Variants in MAPKAPK5 observed in about 807,000 individuals in gnomAD.
MAPKAPK5 encodes the protein MAPK activated protein kinase 5, also known as MAP kinase-activated protein kinase 5.
MAPKAPK5 carries 30 observed loss-of-function variants against 65.1 expected under a neutral mutation model. That is an observed-to-expected ratio of 0.46 (90% CI 0.34 to 0.63). MAPKAPK5 has a LOEUF of 0.63. MAPKAPK5 is among the 20% of genes least tolerant of loss of function. MAPKAPK5 has a pLI of 0.01. For synonymous variants in MAPKAPK5, 179 were observed against 204.6 expected (o/e 0.87, Z 1.07); for missense variants, 433 against 581.4 (o/e 0.74, Z 2.63).
intron 5 of MAPKAPK5, among the ~76,000 whole-genome samples, 186 bp from the exon 6 acceptor site, chr12:111,870,085 A>C (rs2069735310): frequency 6.6e-6 from 1 of 152,226 alleles, no homozygotes. Context: ...TACAAGTTGC[A>C]GTTAAACTAA....
At chr12:111,891,801 C>A (rs1220423798) in intron 13 of MAPKAPK5, among the ~76,000 whole-genome samples, 2 of 144,394 alleles carry the variant, frequency 1.4e-5, no homozygotes, top group Non-Finnish European at 3.0e-5. Flanking sequence ...AGAGAGACTC[C>A]GTCTTTAAAA....
intron 3 of MAPKAPK5, among the ~76,000 whole-genome samples, chr12:111,866,910 T>C (rs1410201863): frequency 6.6e-6 from 1 of 152,068 alleles, no homozygotes; most frequent in African/African-American, 2.4e-5. Flanking sequence ...CCTTTAGTTT[T>C]TAAAAATATA....
chr12:111,874,309 CT>C (rs1436517095), intron 7 of MAPKAPK5, among the ~76,000 whole-genome samples: 1 of 151,504 alleles, frequency 6.6e-6, no homozygotes, highest in Non-Finnish European at 1.5e-5. Context: ...GCAGGAGAAT[CT>C]CTTGAACCTG....
In MAPKAPK5 at chr12:111,871,174, A is replaced by G; in HGVS notation, c.573A>G (p.Ala191=). The change falls in exon 7 of 14, where the codon GCA becomes GCG. Residue 191 remains alanine, a synonymous_variant. Coordinates refer to ENST00000550735, the MANE Select transcript of MAPKAPK5 (RefSeq NM_003668.4). ...MTPQFTPYYV[A]PQVLEAQRRH... The stretch of plus-strand genomic sequence containing the variant: ...CCCAGTTCACCCCTTATTATGTAGC[A>G]CCCCAGGTAAGCATGTGCGGTTTCT... 1 of 1,612,978 alleles carries G rather than the reference A, an allele frequency of 6.2e-7. No homozygotes were observed. The highest frequency in any genetic ancestry group is 8.5e-7 in the Non-Finnish European group (1 of 1,179,488).
chr12:111,874,809 C>CTCTT (rs1349512766), intron 7 of MAPKAPK5, among the ~76,000 whole-genome samples: 3 of 101,324 alleles, frequency 3.0e-5, no homozygotes, highest in African/African-American at 7.8e-5. Context: ...GAGGCTTGCT[C>CTCTT]TGTTGCCCAG....
At chr12:111,850,044 T>G (rs1169080716) in intron 1 of MAPKAPK5, among the ~76,000 whole-genome samples, 1 of 151,786 alleles carries the variant, frequency 6.6e-6, no homozygotes. Context: ...CTTTTTTTTT[T>G]CATAGATGGA....
At chr12:111,860,758 T>G (rs2069411703) in intron 1 of MAPKAPK5, among the ~76,000 whole-genome samples, 1 of 152,168 alleles carries the variant, frequency 6.6e-6, no homozygotes, top group African/African-American at 2.4e-5. Flanking sequence ...TGATTTACAC[T>G]GTATTGAAAT....
chr12:111,876,205 CAAAAAAA>C (rs751802746), intron 7 of MAPKAPK5, among the ~76,000 whole-genome samples: 1 of 43,564 alleles, frequency 2.3e-5, no homozygotes, highest in Non-Finnish European at 5.5e-5. Flanking sequence ...GACTCCATCT[CAAAAAAA>C]AAAAAAAAAA....
Position 111,890,149 on chromosome 12 carries a change from G to A in MAPKAPK5, c.1321+5G>A. On this transcript the variant is annotated splice_donor_5th_base_variant and intron_variant, in intron 13 of 13. Coordinates refer to ENST00000550735, the MANE Select transcript of MAPKAPK5 (RefSeq NM_003668.4). ...TGCAGAGCTTCAGCTGGAATGGTAG[G>A]AGCCTTCATCAACTCCCTTCCCCAG... The A allele has an allele frequency of 6.4e-7, 1 of 1,574,288 alleles. No homozygotes were observed.
In MAPKAPK5 at chr12:111,898,474, A is replaced by C. The variant is rs2070896186; in HGVS notation, c.*5413A>C. 1 of 151,906 alleles carries C rather than the reference A, an allele frequency of 6.6e-6. No homozygotes were observed. Among genetic ancestry groups the C allele is most frequent in the Non-Finnish European group, 1.5e-5 (1 of 67,998 alleles). The allele number at this position is 151,906 out of a possible 1,614,324, so 9.4% of individuals were successfully genotyped here. ...GTGAGCCACCGTGCCCGGGCCCCAC[A>C]CTTTGTTTTTATGTTAGGGCAGTTG... is the stretch of plus-strand genomic sequence containing the variant. On this transcript the variant is annotated 3_prime_UTR_variant, in exon 14 of 14. Transcript: ENST00000550735.
chr12:111,900,175 A>G lies in MAPKAPK5; in HGVS notation c.*7114A>G, dbSNP rs530472095. On this transcript the variant is annotated 3_prime_UTR_variant, in exon 14 of 14. Transcript: ENST00000550735. Reference sequence around the variant, plus strand: ...TTGCAAATCACACTCAGGAATTTCAATCACTGGAGACAAGAGATGCTCTTC... The same window carrying G: ...TTGCAAATCACACTCAGGAATTTCAGTCACTGGAGACAAGAGATGCTCTTC... The G allele has an allele frequency of 1.0e-3, 463 of 456,048 alleles. No individual in the cohort carries two copies. Among genetic ancestry groups the G allele is most frequent in the Non-Finnish European group, 1.4e-3 (314 of 226,794 alleles). 28.3% of individuals were successfully genotyped at this position (456,048 alleles called of 1,614,324 possible). A position where few individuals can be genotyped will look rare whatever the true frequency, so the allele number is the denominator to read the frequency against.
At position 111,842,774 on chromosome 12, in the gene MAPKAPK5, G is replaced by T; in HGVS notation, c.36+5G>T. The T allele has an allele frequency of 7.5e-7, 1 of 1,327,828 alleles. No individual in the cohort carries two copies. The allele number at this position is 1,327,828 out of a possible 1,614,324, so 82.3% of individuals were successfully genotyped here. A position where few individuals can be genotyped will look rare whatever the true frequency, so the allele number is the denominator to read the frequency against. On this transcript the variant is annotated splice_donor_5th_base_variant and intron_variant, in intron 1 of 13. Coordinates refer to ENST00000550735, the MANE Select transcript of MAPKAPK5 (RefSeq NM_003668.4). Reference sequence around the variant, plus strand: ...GACATGGACAAAGCCATCAAGGTAAGGGGGAGGTGCCCCCTCTTCCCCCGC... The same window carrying T: ...GACATGGACAAAGCCATCAAGGTAATGGGGAGGTGCCCCCTCTTCCCCCGC...
chr12:111,874,494 G>C (rs529433496), intron 7 of MAPKAPK5, among the ~76,000 whole-genome samples: 1 of 145,990 alleles, frequency 6.8e-6, no homozygotes, highest in South Asian at 2.2e-4. Context: ...TTTTGAGATG[G>C]AATTGCACTC....
At chr12:111,880,392 G>A (rs2070154313) in intron 7 of MAPKAPK5, 55 bp from the exon 8 acceptor site, 4 of 1,408,530 alleles carry the variant, frequency 2.8e-6, no homozygotes, top group South Asian at 1.2e-5. Flanking sequence ...CTCAAGGCAG[G>A]TTATCGGTGG....
chr12:111,901,258 C>T lies in MAPKAPK5; in HGVS notation c.*8197C>T, dbSNP rs768514710. 1 of 455,936 alleles carries T rather than the reference C, an allele frequency of 2.2e-6. No homozygotes were observed. The highest frequency in any genetic ancestry group is 3.3e-4 in the Middle Eastern group (1 of 3,070). The allele number at this position is 455,936 out of a possible 1,614,324, so 28.2% of individuals were successfully genotyped here. ...ACCCCAGTGATTTCTGCCTGCAACCCAGAAAAAACGTGTAATGGGAAGGGA... is the reference window on the plus strand; with the variant it reads ...ACCCCAGTGATTTCTGCCTGCAACCTAGAAAAAACGTGTAATGGGAAGGGA... On this transcript the variant is annotated 3_prime_UTR_variant, in exon 14 of 14. Coordinates refer to ENST00000550735, the MANE Select transcript of MAPKAPK5 (RefSeq NM_003668.4).
At chr12:111,892,754 A>T (rs1257009901) in intron 13 of MAPKAPK5, among the ~76,000 whole-genome samples, 1 of 151,742 alleles carries the variant, frequency 6.6e-6, no homozygotes, top group East Asian at 1.9e-4. Flanking sequence ...GTGTGTTGTG[A>T]GCTTTGGATT....
At chr12:111,891,341 A>C (rs551628928) in intron 13 of MAPKAPK5, among the ~76,000 whole-genome samples, 35 of 149,948 alleles carry the variant, frequency 2.3e-4, no homozygotes, top group Non-Finnish European at 4.6e-4. Flanking sequence ...ACCTCAAGTG[A>C]TCCACCCACC....
chr12:111,889,105 G>A, intron 12 of MAPKAPK5, 105 bp downstream of exon 12: 1 of 1,301,230 alleles, frequency 7.7e-7, no homozygotes, highest in South Asian at 1.4e-5. Flanking sequence ...GTTTAATTTT[G>A]GGTTGTCTGT....
intron 1 of MAPKAPK5, among the ~76,000 whole-genome samples, chr12:111,849,347 C>T (rs2068999494): frequency 1.3e-5 from 2 of 151,984 alleles, no homozygotes; most frequent in Admixed American, 1.3e-4. Context: ...CCTCCACCTC[C>T]CGGGTTCAAG....
Sources: allele counts gnomAD v4.1 joint callset (sites outside exome capture counted in the v4.1 genomes callset), GRCh38; gene constraint gnomAD v4.1.1; transcripts MANE v1.5; gene names NCBI Gene and HGNC (gene_info 2026-07-23, HGNC 2026-07-21).